FBXO32: variants seen among roughly 807,000 people sequenced by gnomAD.
FBXO32 encodes F-box only protein 32.
Under a neutral mutation model 48.3 loss-of-function variants are expected in FBXO32, and 15 were observed. The ratio of observed to expected loss-of-function variants is 0.31; its 90% CI spans 0.21 to 0.48. FBXO32 has a LOEUF of 0.48. Ranked by LOEUF, FBXO32 falls within the 20% of genes least tolerant of loss-of-function variation. The probability of loss-of-function intolerance (pLI) is 0.99; values close to 1 mark genes in which losing one functional copy is unlikely to be tolerated. For missense variants in FBXO32, 309 were observed against 432.7 expected (o/e 0.71, Z 2.54); for synonymous variants, 154 against 165.9 (o/e 0.93, Z 0.55).
Position 123,531,985 on chromosome 8 carries a change from A to G in FBXO32, c.285T>C (p.His95=). 1 of 1,614,116 alleles carries G rather than the reference A, an allele frequency of 6.2e-7. No individual in the cohort carries two copies. Among genetic ancestry groups the G allele is most frequent in the Non-Finnish European group, 8.5e-7 (1 of 1,179,998 alleles). Residue 95 remains histidine (H), a synonymous_variant, in exon 4 of 9, where the codon CAT becomes CAC. Coordinates refer to ENST00000517956, the MANE Select transcript of FBXO32 (RefSeq NM_058229.4). ...YVHKGSTKER[H]GYCTLGEAFN... is the part of the protein sequence containing the mutation. ...AAGCTTCCCCCAGGGTGCAATATCC[A>G]TGGCGCTGAACATGAAAACAAAGGC... is the stretch of plus-strand genomic sequence containing the variant.
At chr8:123,530,717 C>A (rs578073105) in intron 4 of FBXO32, among the ~76,000 whole-genome samples, 1 of 151,832 alleles carries the variant, frequency 6.6e-6, no homozygotes, top group Non-Finnish European at 1.5e-5. Context: ...TGGATTCAAG[C>A]GATTCTCCTG....
chr8:123,506,345 G>A lies in FBXO32; in HGVS notation c.834+47C>T. ...AGGGCACCAAGGAAGTTTGGGGTGA[G>A]GGCCAGAGAAGGAGGGTGGGAGGAA... On this transcript the variant is annotated intron_variant, in intron 7 of 8. Transcript: ENST00000517956. The surrounding 1 kb of genome is among the most constrained non-coding windows in gnomAD (Gnocchi z 4.0). 6.3e-7 allele frequency: 1 copy of A among 1,598,042 alleles called. No individual in the cohort carries two copies. Among genetic ancestry groups the A allele is most frequent in the Non-Finnish European group, 8.5e-7 (1 of 1,170,924 alleles).
chr8:123,504,721 G>T lies in FBXO32; in HGVS notation c.861C>A (p.Asp287Glu). ...RQIRKRLILS[D>E]KGQLDWKKMY... ...TCTTCTTCCAATCCAGCTGCCCTTT[G>T]TCTGACAGAATTAATCGTTTGCGGA... Residue 287 changes from aspartate (D) to glutamate (E), a missense_variant, in exon 8 of 9, where the codon GAC becomes GAA. Asp to Glu is a conservative substitution (Grantham distance 45). Transcript: ENST00000517956. 6.2e-7 allele frequency: 1 copy of T among 1,613,848 alleles called. No homozygotes were observed. The highest frequency in any genetic ancestry group is 8.5e-7 in the Non-Finnish European group (1 of 1,179,916).
intron 6 of FBXO32, among the ~76,000 whole-genome samples, chr8:123,512,037 G>A (rs1024733245): frequency 6.6e-6 from 1 of 152,148 alleles, no homozygotes; most frequent in African/African-American, 2.4e-5. Flanking sequence ...TGGGAATGGG[G>A]TAAATTATTA....
At chr8:123,536,955 T>C (rs919907736) in intron 1 of FBXO32, among the ~76,000 whole-genome samples, 1 of 152,216 alleles carries the variant, frequency 6.6e-6, no homozygotes, top group African/African-American at 2.4e-5. Context: ...ATTGATGATG[T>C]TCTCTCACCG....
At position 123,513,130 on chromosome 8, in the gene FBXO32, T is replaced by C; in HGVS notation, c.651+68A>G. The C allele has an allele frequency of 6.6e-7, 1 of 1,513,978 alleles. No individual in the cohort carries two copies. The highest frequency in any genetic ancestry group is 9.1e-7 in the Non-Finnish European group (1 of 1,095,532). 93.8% of individuals were successfully genotyped at this position (1,513,978 alleles called of 1,614,324 possible). On this transcript the variant is annotated intron_variant, in intron 6 of 8. Coordinates refer to ENST00000517956, the MANE Select transcript of FBXO32 (RefSeq NM_058229.4). The surrounding 1 kb of genome is among the most constrained non-coding windows in gnomAD (Gnocchi z 4.3). ...CGTCACAGGAGTGAATTCAAAGTCT[T>C]GGCGAGTCTGTCCAGTATCCCTGTG...
rs1226556055 is a variant in FBXO32, at chr8:123,502,385, T to C, written c.*988A>G. ...TAAGGAAGTCTTCACAGCTATTGATTGGGTGACCAATTCTATCATCTTTTC... is the reference window on the plus strand; with the variant it reads ...TAAGGAAGTCTTCACAGCTATTGATCGGGTGACCAATTCTATCATCTTTTC... On this transcript the variant is annotated 3_prime_UTR_variant, in exon 9 of 9. Transcript: ENST00000517956. 1 of 152,304 alleles carries C rather than the reference T, an allele frequency of 6.6e-6. No individual in the cohort carries two copies. The highest frequency in any genetic ancestry group is 1.5e-5 in the Non-Finnish European group (1 of 68,094). The allele number at this position is 152,304 out of a possible 1,614,324, so 9.4% of individuals were successfully genotyped here.
At chr8:123,503,565 T>C (rs1586986319) in intron 8 of FBXO32, 103 bp from the exon 9 acceptor site, 1 of 792,654 alleles carries the variant, frequency 1.3e-6, no homozygotes, top group East Asian at 2.7e-5. Flanking sequence ...TCTCTGTCAA[T>C]AATGCCCCAG....
Position 123,499,276 on chromosome 8 carries a change from G to A in FBXO32, c.*4097C>T, listed in dbSNP as rs1393629123. On this transcript the variant is annotated 3_prime_UTR_variant, in exon 9 of 9. Transcript: ENST00000517956. ...TGAAACTGAGAAGAAGGTATCTACAGAAAACACTGAATTTAAACAAATTAT... is the reference window on the plus strand; with the variant it reads ...TGAAACTGAGAAGAAGGTATCTACAAAAAACACTGAATTTAAACAAATTAT... The A allele has an allele frequency of 6.6e-6, 1 of 152,170 alleles. No homozygotes were observed. The highest frequency in any genetic ancestry group is 1.5e-5 in the Non-Finnish European group (1 of 68,030). The allele number at this position is 152,170 out of a possible 1,614,324, so 9.4% of individuals were successfully genotyped here.
At chr8:123,530,279 G>C (rs17337621) in intron 4 of FBXO32, among the ~76,000 whole-genome samples, 5,790 of 152,196 alleles carry the variant, frequency 0.038, 171 homozygotes, top group Non-Finnish European at 0.059. Context: ...CAGATGACAG[G>C]TGAAGGATCC....
intron 8 of FBXO32, 86 bp from the exon 9 acceptor site, chr8:123,503,548 C>T: frequency 1.0e-6 from 1 of 958,274 alleles, no homozygotes; most frequent in East Asian, 2.5e-5. Context: ...AACTTCAAAG[C>T]AACAATTCTC....
intron 4 of FBXO32, among the ~76,000 whole-genome samples, chr8:123,515,056 C>T (rs1816812211): frequency 6.6e-6 from 1 of 152,062 alleles, no homozygotes; most frequent in Admixed American, 6.5e-5. Flanking sequence ...TTCTTGGTGC[C>T]CCACCCAGTT....
chr8:123,531,282 A>C (rs1183712737), intron 4 of FBXO32, among the ~76,000 whole-genome samples: 3 of 152,132 alleles, frequency 2.0e-5, no homozygotes, highest in Non-Finnish European at 2.9e-5. Flanking sequence ...GCACCCGGCC[A>C]AAACAGGCAG....
rs778925533 is a variant in FBXO32, at chr8:123,541,049, GGGCC to G, written c.-39_-36del. ...AGCGGACTAGACGGATGGGGAGACGGGGCCGGCCTGGTGGGCTCGGGGACGTGCC... is the reference window on the plus strand; with the variant it reads ...AGCGGACTAGACGGATGGGGAGACGGGGCCTGGTGGGCTCGGGGACGTGCC... On this transcript the variant is annotated 5_prime_UTR_variant, in exon 1 of 9. Transcript: ENST00000517956. The G allele has an allele frequency of 1.3e-4, 193 of 1,467,548 alleles. No individual in the cohort carries two copies. Among genetic ancestry groups the G allele is most frequent in the Non-Finnish European group, 1.7e-4 (187 of 1,075,010 alleles). 90.9% of individuals were successfully genotyped at this position (1,467,548 alleles called of 1,614,324 possible). A position where few individuals can be genotyped will look rare whatever the true frequency, so the allele number is the denominator to read the frequency against.
chr8:123,505,206 C>T (rs1203444548), intron 7 of FBXO32, among the ~76,000 whole-genome samples: 2 of 152,116 alleles, frequency 1.3e-5, no homozygotes, highest in East Asian at 1.9e-4. Flanking sequence ...TATAAAGAAA[C>T]TGGAAAAAGA....
Position 123,525,690 on chromosome 8 carries a change from C to CT in FBXO32, c.372+6207dup. 6.6e-6 allele frequency among the ~76,000 whole-genome samples: 1 copy of CT among 152,230 alleles called. No homozygotes were observed. Among genetic ancestry groups the CT allele is most frequent in the South Asian group, 2.1e-4 (1 of 4,834 alleles). ...TCCACGTCCCTTCCTGGGCAGGCAA[C>CT]TTTGTGCAAATCACCCAGTTCCCTG... On this transcript the variant is annotated intron_variant, in intron 4 of 8. Transcript: ENST00000517956. The surrounding 1 kb of genome is among the most constrained non-coding windows in gnomAD (Gnocchi z 4.3).
chr8:123,513,200 T>C lies in FBXO32; in HGVS notation c.649A>G (p.Arg217Gly). The C allele has an allele frequency of 6.2e-7, 1 of 1,614,004 alleles. No homozygotes were observed. Among genetic ancestry groups the C allele is most frequent in the Non-Finnish European group, 8.5e-7 (1 of 1,179,882 alleles). The change falls in exon 6 of 9, where the codon AGG becomes GGG. Residue 217 changes from arginine (R) to glycine (G), a missense_variant and splice_region_variant. Physicochemically the swap from Arg to Gly is moderately radical, Grantham distance 125. Transcript: ENST00000517956. The surrounding 1 kb of genome is among the most constrained non-coding windows in gnomAD (Gnocchi z 4.3). The stretch of plus-strand genomic sequence containing the variant: ...GGAGGCTGGGCCTGCCCGCTTACCC[T>C]GGTGATCTGAATGTTGTTCAGCTGC... ...QQQLNNIQIT[R>G]PAFKGLTFTD...
chr8:123,503,403 G>A lies in FBXO32; in HGVS notation c.1038C>T (p.Pro346=). ...ACTTGAACAAGTTGATAAAGTCCTGGGGTGAAAGTGAAACGGAGCAGCTCT... is the reference window on the plus strand; with the variant it reads ...ACTTGAACAAGTTGATAAAGTCCTGAGGTGAAAGTGAAACGGAGCAGCTCT... ...NPESCSVSLS[P]QDFINLFKF The change falls in exon 9 of 9, where the codon CCC becomes CCT. Residue 346 remains proline, a synonymous_variant. Transcript: ENST00000517956. The A allele has an allele frequency of 1.9e-6, 3 of 1,614,208 alleles. No homozygotes were observed. The highest frequency in any genetic ancestry group is 1.7e-6 in the Non-Finnish European group (2 of 1,180,038).
chr8:123,531,775 CT>C, intron 4 of FBXO32, 122 bp downstream of exon 4: 1 of 1,171,302 alleles, frequency 8.5e-7, no homozygotes, highest in Non-Finnish European at 1.2e-6. Flanking sequence ...CTGTTTTCTG[CT>C]TGCCTCAAAA....
Sources: gnomAD v4.1 joint callset for allele counts (sites outside exome capture counted in the v4.1 genomes callset) on GRCh38, gnomAD v4.1.1 for gene constraint, Gnocchi (gnomAD v3.1) non-coding constraint, MANE v1.5 for transcripts, NCBI Gene and HGNC (gene_info 2026-07-23, HGNC 2026-07-21) for gene names.